Variants in TENM4 observed in about 807,000 individuals in gnomAD.
TENM4 encodes teneurin transmembrane protein 4.
In TENM4, 82 loss-of-function variants were observed where a neutral mutation model predicts 243.3. That is an observed-to-expected ratio of 0.34 (90% CI 0.28 to 0.40). TENM4 has a LOEUF of 0.40. Ranked by LOEUF, TENM4 falls within the 10% of genes least tolerant of loss-of-function variation. TENM4 has a pLI of 1.00. For synonymous variants in TENM4, 1,412 were observed against 1,456.3 expected (o/e 0.97, Z 0.69); for missense variants, 3,138 against 3,673.3 (o/e 0.85, Z 3.77).
At chr11:78,823,846 C>A (rs1042033511) in intron 12 of TENM4, among the ~76,000 whole-genome samples, 2 of 152,196 alleles carry the variant, frequency 1.3e-5, no homozygotes, top group African/African-American at 2.4e-5. Context: ...TCACCAGGAT[C>A]TACTTCATAG....
At chr11:79,208,069 C>T (rs1000009511) in intron 3 of TENM4, among the ~76,000 whole-genome samples, 39 of 152,094 alleles carry the variant, frequency 2.6e-4, no homozygotes, top group African/African-American at 7.5e-4. Flanking sequence ...ACATGCTTGC[C>T]TCTTAACATC....
intron 1 of TENM4, among the ~76,000 whole-genome samples, chr11:79,409,095 TGTGTGTGCGCGCGCGCGCGTGC>T (rs1162967293): frequency 3.7e-5 from 4 of 106,950 alleles, no homozygotes; most frequent in African/African-American, 7.4e-5. Flanking sequence ...TGTGTGTGTG[TGTGTGTGCGCGCGCGCGCGTGC>T]GTGCACGCGC....
intron 4 of TENM4, among the ~76,000 whole-genome samples, chr11:79,103,657 TG>T (rs1366998162): frequency 2.0e-5 from 3 of 152,184 alleles, no homozygotes; most frequent in Non-Finnish European, 4.4e-5. Flanking sequence ...AATGTACACA[TG>T]GATTGTAAGA....
At chr11:78,719,009 A>C (rs1227569028) in intron 25 of TENM4, among the ~76,000 whole-genome samples, 3 of 152,192 alleles carry the variant, frequency 2.0e-5, no homozygotes, top group African/African-American at 4.8e-5. Context: ...TATAATAATA[A>C]TTGTTATGAT....
intron 4 of TENM4, among the ~76,000 whole-genome samples, chr11:79,086,696 T>C (rs149993197): frequency 0.011 from 1,680 of 152,096 alleles, 41 homozygotes; most frequent in African/African-American, 0.039. Flanking sequence ...TAGCTGGGTG[T>C]GGTGGCTTAT....
chr11:79,090,300 C>T (rs61696966), intron 4 of TENM4, among the ~76,000 whole-genome samples: 41,884 of 152,250 alleles, frequency 0.28, 5,851 homozygotes, highest in East Asian at 0.42. Flanking sequence ...AAAAATATAA[C>T]AACAGGCAGT....
chr11:79,230,397 C>T (rs1031486494), intron 2 of TENM4, among the ~76,000 whole-genome samples: 3 of 152,140 alleles, frequency 2.0e-5, no homozygotes, highest in South Asian at 2.1e-4. Context: ...ATCTTGAACA[C>T]TGCCCCTGCT....
At chr11:78,982,511 C>T (rs544607670) in intron 6 of TENM4, among the ~76,000 whole-genome samples, 8 of 152,074 alleles carry the variant, frequency 5.3e-5, no homozygotes, top group Non-Finnish European at 8.8e-5. Flanking sequence ...GCAGTGAGTC[C>T]GGGAATCACA....
At chr11:79,149,763 G>A (rs1308155240) in intron 3 of TENM4, among the ~76,000 whole-genome samples, 1 of 152,082 alleles carries the variant, frequency 6.6e-6, no homozygotes, top group Non-Finnish European at 1.5e-5. Flanking sequence ...TTCTTTAAAT[G>A]TTTCTGCATC....
chr11:78,756,791 G>C lies in TENM4; in HGVS notation c.2756+14C>G. 2 of 1,607,726 alleles carry C rather than the reference G, an allele frequency of 1.2e-6. No individual in the cohort carries two copies. Among genetic ancestry groups the C allele is most frequent in the Non-Finnish European group, 1.7e-6 (2 of 1,176,820 alleles). Reference sequence around the variant, plus strand: ...TCAGAGAGCCCTGGCTGGAGCTGGGGCCCTCGGACTCACCCTCCATCAAAG... The same window carrying C: ...TCAGAGAGCCCTGGCTGGAGCTGGGCCCCTCGGACTCACCCTCCATCAAAG... On this transcript the variant is annotated intron_variant, in intron 19 of 33. Coordinates refer to ENST00000278550, the MANE Select transcript of TENM4 (RefSeq NM_001098816.3).
chr11:79,070,635 C>T (rs1860389200), intron 4 of TENM4, among the ~76,000 whole-genome samples: 2 of 152,166 alleles, frequency 1.3e-5, no homozygotes, highest in African/African-American at 4.8e-5. Context: ...TTTACCTGTA[C>T]TGCTCACTCC....
intron 12 of TENM4, among the ~76,000 whole-genome samples, chr11:78,843,295 A>G: frequency 6.6e-6 from 1 of 151,880 alleles, no homozygotes; most frequent in South Asian, 2.1e-4. Context: ...ATAAAAATAA[A>G]CATAGAGAGA....
At chr11:79,415,418 G>A (rs1035872590) in intron 1 of TENM4, among the ~76,000 whole-genome samples, 4 of 152,140 alleles carry the variant, frequency 2.6e-5, no homozygotes, top group Non-Finnish European at 4.4e-5. Flanking sequence ...AATAAATAAT[G>A]CTATCATTAT....
chr11:79,205,195 T>A (rs529424306), intron 3 of TENM4, among the ~76,000 whole-genome samples: 1 of 152,320 alleles, frequency 6.6e-6, no homozygotes, highest in African/African-American at 2.4e-5. Flanking sequence ...CATGCAGTTT[T>A]AAGAAACAAG....
intron 3 of TENM4, among the ~76,000 whole-genome samples, chr11:79,174,846 G>C (rs1353621807): frequency 6.6e-6 from 1 of 152,210 alleles, no homozygotes; most frequent in Non-Finnish European, 1.5e-5. Flanking sequence ...GCTCCCAGCT[G>C]TTGTTAGCCT....
At chr11:78,924,912 A>T (rs1162549388) in intron 6 of TENM4, among the ~76,000 whole-genome samples, 1 of 152,222 alleles carries the variant, frequency 6.6e-6, no homozygotes, top group African/African-American at 2.4e-5. Flanking sequence ...GGAAATCTGG[A>T]CATTCCCTGG....
intron 1 of TENM4, among the ~76,000 whole-genome samples, chr11:79,321,837 T>C (rs1431052088): frequency 6.6e-6 from 1 of 152,158 alleles, no homozygotes; most frequent in Non-Finnish European, 1.5e-5. Context: ...GGGCTACGTA[T>C]AGATCTCACA....
At chr11:79,154,971 G>A (rs1165916104) in intron 3 of TENM4, among the ~76,000 whole-genome samples, 1 of 152,180 alleles carries the variant, frequency 6.6e-6, no homozygotes, top group Admixed American at 6.5e-5. Context: ...TTGAATGAGT[G>A]CATTTCCATG....
At chr11:78,687,704 G>A (rs112349496) in intron 29 of TENM4, among the ~76,000 whole-genome samples, 2,907 of 152,194 alleles carry the variant, frequency 0.019, 108 homozygotes, top group African/African-American at 0.068. Flanking sequence ...ATAATTATGC[G>A]TAATTATTTT....
Sources: allele counts gnomAD v4.1 joint callset (sites outside exome capture counted in the v4.1 genomes callset), GRCh38; gene constraint gnomAD v4.1.1; transcripts MANE v1.5; gene names NCBI Gene and HGNC (gene_info 2026-07-23, HGNC 2026-07-21).